The following FAM81A variants were observed in gnomAD, a reference collection of about 807,000 sequenced individuals.
FAM81A encodes the protein protein FAM81A.
In FAM81A, 19 loss-of-function variants were observed where a neutral mutation model predicts 46.7. The observed-to-expected ratio is 0.41, with a 90% CI of 0.28 to 0.60. The LOEUF (loss-of-function observed/expected upper bound fraction) is 0.60, where lower values mean the gene tolerates loss of function less well. Ranked by LOEUF, FAM81A falls within the 20% of genes least tolerant of loss-of-function variation. The pLI is 0.34. For synonymous variants in FAM81A, 183 were observed against 152.9 expected, an observed-to-expected ratio of 1.20 and a Z score of -1.45; for missense variants, 377 against 453.5, an observed-to-expected ratio of 0.83 and a Z score of 1.53.
At chr15:59,419,325 G>T (rs1313384558) in intron 2 of FAM81A, among the ~76,000 whole-genome samples, 3 of 152,120 alleles carry the variant, frequency 2.0e-5, no homozygotes, top group Admixed American at 6.5e-5. Context: ...TACAATAAGA[G>T]ATATTAAATA....
chr15:59,489,577 C>T (rs2081961009), intron 3 of FAM81A, among the ~76,000 whole-genome samples: 1 of 151,900 alleles, frequency 6.6e-6, no homozygotes, highest in African/African-American at 2.4e-5. Context: ...CACATGGAAC[C>T]ACAAAATACC....
At chr15:59,468,122 T>C (rs1367604805) in intron 3 of FAM81A, among the ~76,000 whole-genome samples, 2 of 152,214 alleles carry the variant, frequency 1.3e-5, no homozygotes, top group African/African-American at 4.8e-5. Context: ...AGTATTTTAT[T>C]GAGGATTTTC....
At chr15:59,493,541 C>T (rs1017777424) in intron 4 of FAM81A, among the ~76,000 whole-genome samples, 14 of 152,162 alleles carry the variant, frequency 9.2e-5, no homozygotes, top group Non-Finnish European at 1.8e-4. Flanking sequence ...TATTGCTCCA[C>T]CTTTGTACAT....
intron 1 of FAM81A, chr15:59,445,144 T>G (rs1596475510): frequency 6.6e-6 from 1 of 152,196 alleles, no homozygotes. Context: ...TACTGGGAAC[T>G]TCAGTCTTCC....
At position 59,472,297 on chromosome 15, in the gene FAM81A, C is replaced by T. The variant is rs1485298708; in HGVS notation, c.294+12091C>T. Reference sequence around the variant, plus strand: ...TTGCTGCAGTGAGCCGTAGTCATGCCGGGGTACTCCAGCATGGGTAACAGA... The same window carrying T: ...TTGCTGCAGTGAGCCGTAGTCATGCTGGGGTACTCCAGCATGGGTAACAGA... On this transcript the variant is annotated intron_variant, in intron 3 of 8. Coordinates refer to ENST00000288228, the MANE Select transcript of FAM81A (RefSeq NM_152450.3). Among the ~76,000 whole-genome samples the T allele has an allele frequency of 3.9e-5, 6 of 151,988 alleles. No homozygotes were observed. The South Asian group carries it at 6.3e-4, about 16-fold the overall frequency.
At chr15:59,415,524 A>G (rs1438745840) in intron 2 of FAM81A, among the ~76,000 whole-genome samples, 1 of 152,214 alleles carries the variant, frequency 6.6e-6, no homozygotes, top group South Asian at 2.1e-4. Context: ...GAGAGATGCT[A>G]CGTTGAAAGG....
Position 59,514,434 on chromosome 15 carries a change from G to C in FAM81A, c.786+10G>C. On this transcript the variant is annotated intron_variant, in intron 7 of 8. Coordinates refer to ENST00000288228, the MANE Select transcript of FAM81A (RefSeq NM_152450.3). The stretch of plus-strand genomic sequence containing the variant: ...TGTTAAGGAAAACAGTGTAGGTATT[G>C]ATGTTTAGCAAAAATTTAGTAAAGT... 3 of 1,607,710 alleles carry C rather than the reference G, an allele frequency of 1.9e-6. No individual in the cohort carries two copies.
chr15:59,499,258 T>C (rs1240404962), intron 4 of FAM81A, among the ~76,000 whole-genome samples: 2 of 152,218 alleles, frequency 1.3e-5, no homozygotes, highest in Non-Finnish European at 2.9e-5. Flanking sequence ...TGCTAGTATT[T>C]TGTTGAAATG....
At chr15:59,498,959 G>T (rs145355141) in intron 4 of FAM81A, among the ~76,000 whole-genome samples, 1 of 152,086 alleles carries the variant, frequency 6.6e-6, no homozygotes, top group African/African-American at 2.4e-5. Context: ...GTGAGCCACC[G>T]CACCCAGCCC....
chr15:59,500,631 A>C (rs1316763070), intron 4 of FAM81A, among the ~76,000 whole-genome samples: 2 of 150,878 alleles, frequency 1.3e-5, no homozygotes, highest in Non-Finnish European at 3.0e-5. Context: ...CATTATGCAT[A>C]TGTTGGTGCA....
intron 2 of FAM81A, among the ~76,000 whole-genome samples, chr15:59,419,122 G>T (rs1350939173): frequency 6.6e-6 from 1 of 152,162 alleles, no homozygotes; most frequent in African/African-American, 2.4e-5. Flanking sequence ...ATTATCTGTA[G>T]GCCTAGGGTA....
intron 2 of FAM81A, chr15:59,407,076 C>A: frequency 6.2e-6 from 1 of 160,810 alleles, no homozygotes; most frequent in South Asian, 1.7e-4. Context: ...CTCATCGTAT[C>A]TGCTGTTCTA....
chr15:59,469,470 T>C (rs1284114516), intron 3 of FAM81A, among the ~76,000 whole-genome samples: 1 of 152,208 alleles, frequency 6.6e-6, no homozygotes, highest in African/African-American at 2.4e-5. Context: ...TATAATGGCC[T>C]TCTTTGTCTC....
At chr15:59,422,375 G>A (rs2141553952) in intron 2 of FAM81A, among the ~76,000 whole-genome samples, 1 of 152,254 alleles carries the variant, frequency 6.6e-6, no homozygotes, top group Middle Eastern at 3.4e-3. Context: ...GTGACAGAGT[G>A]AGACCTTGTC....
At chr15:59,489,266 AAT>A (rs2081955636) in intron 3 of FAM81A, among the ~76,000 whole-genome samples, 1 of 144,138 alleles carries the variant, frequency 6.9e-6, no homozygotes, top group African/African-American at 2.6e-5. Context: ...CTCCATCTCA[AAT>A]ACATACATAC....
At chr15:59,459,716 G>A (rs1233194411) in intron 2 of FAM81A, among the ~76,000 whole-genome samples, 1 of 152,078 alleles carries the variant, frequency 6.6e-6, no homozygotes, top group Non-Finnish European at 1.5e-5. Flanking sequence ...GGAAGTCATG[G>A]AGACCGCTTC....
intron 3 of FAM81A, among the ~76,000 whole-genome samples, chr15:59,476,670 A>G (rs2081773766): frequency 6.6e-6 from 1 of 151,946 alleles, no homozygotes; most frequent in South Asian, 2.1e-4. Context: ...TGTGCCTGTA[A>G]TCCCAGCTAC....
At chr15:59,473,030 A>G (rs1422472939) in intron 3 of FAM81A, among the ~76,000 whole-genome samples, 17 of 152,170 alleles carry the variant, frequency 1.1e-4, no homozygotes, top group African/African-American at 3.9e-4. Flanking sequence ...CAATTTTGAA[A>G]GGGATTTCAG....
rs144425394 is a variant in FAM81A at position 59,404,233 on chromosome 15, G to A, written c.-78+1875G>A. On this transcript the variant is annotated intron_variant, in intron 2 of 4. Transcript: ENST00000558348. ...ACAAACAAACCCATTGATTCTCAGGGCAAAAAAGGAGAGGGAGACACACCT... is the reference window on the plus strand; with the variant it reads ...ACAAACAAACCCATTGATTCTCAGGACAAAAAAGGAGAGGGAGACACACCT... Among the ~76,000 whole-genome samples, 156 of 151,952 alleles carry A rather than the reference G, an allele frequency of 1.0e-3. 1 individual carries two copies. The highest frequency in any genetic ancestry group is 3.6e-3 in the African/African-American group (150 of 41,484).
Sources: allele counts gnomAD v4.1 joint callset (sites outside exome capture counted in the v4.1 genomes callset), GRCh38; gene constraint gnomAD v4.1.1; transcripts MANE v1.5; gene names NCBI Gene and HGNC (gene_info 2026-07-23, HGNC 2026-07-21).